SAMD4B: variants seen among roughly 807,000 people sequenced by gnomAD.
SAMD4B encodes the protein protein Smaug homolog 2.
A neutral mutation model predicts 74.5 loss-of-function variants in SAMD4B; 5 were observed. The ratio of observed to expected loss-of-function variants is 0.07; its 90% CI spans 0.04 to 0.14. The LOEUF (loss-of-function observed/expected upper bound fraction) is 0.14, where lower values mean the gene tolerates loss of function less well. SAMD4B is among the 10% of genes least tolerant of loss of function. The pLI is 1.00. For synonymous variants in SAMD4B, 373 were observed against 374.9 expected (o/e 1.00, Z 0.06); for missense variants, 608 against 921.8 (o/e 0.66, Z 4.41).
At chr19:39,358,258 C>T (rs574774519) in intron 3 of SAMD4B, among the ~76,000 whole-genome samples, 6 of 152,098 alleles carry the variant, frequency 3.9e-5, no homozygotes, top group Non-Finnish European at 7.4e-5. Flanking sequence ...GCTATGAGAG[C>T]GAAACTCTAT....
intron 1 of SAMD4B, among the ~76,000 whole-genome samples, chr19:39,345,598 A>G (rs1209574663): frequency 2.0e-5 from 3 of 151,958 alleles, no homozygotes; most frequent in Non-Finnish European, 4.4e-5. Context: ...CCTCCATTGT[A>G]CCTCTTAGAA....
chr19:39,370,941 C>T (rs2077259433), intron 4 of SAMD4B, among the ~76,000 whole-genome samples: 2 of 152,200 alleles, frequency 1.3e-5, no homozygotes, highest in Admixed American at 6.5e-5. Flanking sequence ...CAGACCCAAC[C>T]AGTCTGATGG....
chr19:39,377,003 G>C (rs1008543260), intron 7 of SAMD4B, among the ~76,000 whole-genome samples: 17 of 152,198 alleles, frequency 1.1e-4, no homozygotes, highest in Non-Finnish European at 2.4e-4. Flanking sequence ...TTCCTGGTTT[G>C]TGGTTCCAGG....
chr19:39,361,659 C>A (rs1600541290), intron 3 of SAMD4B, among the ~76,000 whole-genome samples: 1 of 150,354 alleles, frequency 6.7e-6, no homozygotes, highest in Non-Finnish European at 1.5e-5. Flanking sequence ...CGCGGTGGCT[C>A]ACGCCTGTAA....
At chr19:39,350,042 T>A (rs914992454) in intron 1 of SAMD4B, 3 of 152,240 alleles carry the variant, frequency 2.0e-5, no homozygotes, top group African/African-American at 7.2e-5. Context: ...AAAATGATAA[T>A]ATATTCATAT....
rs192140285 is a variant in SAMD4B at position 39,355,608 on chromosome 19, G to A, written c.-205-1081G>A. Among the ~76,000 whole-genome samples, 211 of 152,312 alleles carry A rather than the reference G, an allele frequency of 1.4e-3. No individual in the cohort carries two copies. The Middle Eastern group carries it at 0.017, about 12-fold the overall frequency. On this transcript the variant is annotated intron_variant, in intron 2 of 13. Transcript: ENST00000610417. ...AGCCAAGGGCACTGGTTGCAAGAGAGACAGATGGAAGAAATGTTGAGTGGA... is the reference window on the plus strand; with the variant it reads ...AGCCAAGGGCACTGGTTGCAAGAGAAACAGATGGAAGAAATGTTGAGTGGA...
intron 4 of SAMD4B, 133 bp downstream of exon 4, chr19:39,370,258 A>G (rs1475073933): frequency 2.4e-6 from 2 of 843,774 alleles, no homozygotes; most frequent in African/African-American, 3.4e-5. Context: ...GAGGCAATGC[A>G]GAGGCTGTGA....
chr19:39,386,597 G>A (rs2078255457), downstream of SAMD4B: 3 of 1,612,432 alleles, frequency 1.9e-6, no homozygotes, highest in South Asian at 3.3e-5. The surrounding 1 kb of genome is among the most constrained non-coding windows in gnomAD (Gnocchi z 6.1). Flanking sequence ...ATTGGAATGA[G>A]GGGAAGGAGG....
intron 12 of SAMD4B, 124 bp downstream of exon 12, chr19:39,381,237 C>G (rs1485993578): frequency 8.9e-7 from 1 of 1,124,522 alleles, no homozygotes; most frequent in Admixed American, 2.6e-5. Context: ...ATACCTCACA[C>G]CACTCTGCAC....
At position 39,357,034 on chromosome 19, in the gene SAMD4B, C is replaced by G; in HGVS notation, c.141C>G (p.His47Gln). The G allele has an allele frequency of 1.2e-6, 2 of 1,614,048 alleles. No homozygotes were observed. Among genetic ancestry groups the G allele is most frequent in the Non-Finnish European group, 1.7e-6 (2 of 1,179,926 alleles). ...GCTTCCTGCAGCTCTGCCTGGAGCA[C>G]TCACTGGCGGACTGCAATGACATCC... ...QARFLQLCLEHSLADCNDIHL... is the reference protein window; with the variant it reads ...QARFLQLCLEQSLADCNDIHL... Residue 47 changes from histidine to glutamine, a missense_variant, in exon 3 of 14, where the codon CAC becomes CAG. By Grantham distance (24) the His-to-Gln change is conservative (BLOSUM62 0). This residue lies in a region of SAMD4B where 74 missense variants were observed against 182.0 expected (regional missense o/e 0.41). Coordinates refer to ENST00000610417, the MANE Select transcript of SAMD4B (RefSeq NM_001384574.2).
At chr19:39,357,674 C>G (rs2076409400) in intron 3 of SAMD4B, among the ~76,000 whole-genome samples, 1 of 152,100 alleles carries the variant, frequency 6.6e-6, no homozygotes, top group African/African-American at 2.4e-5. Context: ...CCCTTAGGCC[C>G]CAGTTGTAGA....
intron 2 of SAMD4B, among the ~76,000 whole-genome samples, chr19:39,354,873 A>T (rs990130226): frequency 1.3e-5 from 2 of 151,560 alleles, no homozygotes; most frequent in African/African-American, 2.4e-5. Flanking sequence ...TTTGTTTAAA[A>T]TTTTTTTTTC....
At chr19:39,361,573 G>C (rs927850584) in intron 3 of SAMD4B, among the ~76,000 whole-genome samples, 1 of 146,902 alleles carries the variant, frequency 6.8e-6, no homozygotes, top group Non-Finnish European at 1.5e-5. Flanking sequence ...CCGAGATTGC[G>C]CCACTGTACT....
Position 39,342,469 on chromosome 19 carries a change from G to A in SAMD4B, c.-374G>A. On this transcript the variant is annotated 5_prime_UTR_variant, in exon 1 of 14. Transcript: ENST00000610417. ...GGCGGCGGCGGCGGCGGCGGCGGTG[G>A]TCGGTGCGGGAGGAGGGAGGGGAGC... 1 of 182,652 alleles carries A rather than the reference G, an allele frequency of 5.5e-6. No homozygotes were observed. The highest frequency in any genetic ancestry group is 1.1e-5 in the Non-Finnish European group (1 of 92,066). 11.3% of individuals were successfully genotyped at this position (182,652 alleles called of 1,614,324 possible). A position where few individuals can be genotyped will look rare whatever the true frequency, so the allele number is the denominator to read the frequency against.
At chr19:39,379,560 G>C (rs983088577) in intron 9 of SAMD4B, among the ~76,000 whole-genome samples, 3 of 152,206 alleles carry the variant, frequency 2.0e-5, no homozygotes, top group African/African-American at 7.2e-5. Flanking sequence ...CACAGGCACA[G>C]AGTAGATGAG....
At chr19:39,382,759 A>T (rs142053995) in intron 12 of SAMD4B, among the ~76,000 whole-genome samples, 114 of 152,296 alleles carry the variant, frequency 7.5e-4, no homozygotes, top group Non-Finnish European at 1.1e-3. Flanking sequence ...GCCTGGATTG[A>T]ATCCTGCCCA....
intron 1 of SAMD4B, among the ~76,000 whole-genome samples, chr19:39,343,522 C>T (rs940049734): frequency 6.6e-6 from 1 of 150,376 alleles, no homozygotes; most frequent in Non-Finnish European, 1.5e-5. Context: ...TTCACGTATC[C>T]CTCTGGACCT....
At chr19:39,352,128 A>C (rs986597874) in intron 1 of SAMD4B, 7 of 152,246 alleles carry the variant, frequency 4.6e-5, no homozygotes, top group Admixed American at 3.3e-4. Context: ...CAGAAGACAT[A>C]GGAACCCTAC....
At position 39,383,153 on chromosome 19, in the gene SAMD4B, C is replaced by A; in HGVS notation, c.1973-55C>A. On this transcript the variant is annotated intron_variant, in intron 12 of 13. Coordinates refer to ENST00000610417, the MANE Select transcript of SAMD4B (RefSeq NM_001384574.2). This position sits in a 1 kb window ranked among gnomAD's most constrained non-coding sequence, Gnocchi z 4.1. Reference sequence around the variant, plus strand: ...CAGCATCCTTTGTCATCCCAGCTGTCTTCACCTGAGTCCAGTTGGTCCTTA... The same window carrying A: ...CAGCATCCTTTGTCATCCCAGCTGTATTCACCTGAGTCCAGTTGGTCCTTA... The A allele has an allele frequency of 7.1e-7, 1 of 1,405,406 alleles. No individual in the cohort carries two copies. The highest frequency in any genetic ancestry group is 1.0e-6 in the Non-Finnish European group (1 of 989,510). 87.1% of individuals were successfully genotyped at this position (1,405,406 alleles called of 1,614,324 possible). A position where few individuals can be genotyped will look rare whatever the true frequency, so the allele number is the denominator to read the frequency against.
Sources: allele counts gnomAD v4.1 joint callset (sites outside exome capture counted in the v4.1 genomes callset), GRCh38; gene constraint gnomAD v4.1.1; regional missense constraint gnomAD v4.1.1; non-coding constraint Gnocchi (gnomAD v3.1); transcripts MANE v1.5; gene names NCBI Gene and HGNC (gene_info 2026-07-23, HGNC 2026-07-21).